The following AUTS2 variants were observed in gnomAD, a reference collection of about 807,000 sequenced individuals.
AUTS2 encodes the protein autism susceptibility gene 2 protein.
AUTS2 carries 17 observed loss-of-function variants against 112.4 expected under a neutral mutation model. That is an observed-to-expected ratio of 0.15 (90% CI 0.10 to 0.23). The LOEUF (loss-of-function observed/expected upper bound fraction) is 0.23. Among genes scored for constraint, AUTS2 ranks in the 10% least tolerant of loss-of-function variants. The probability of loss-of-function intolerance (pLI) is 1.00; values close to 1 mark genes in which losing one functional copy is unlikely to be tolerated. For missense variants in AUTS2, 1,510 were observed against 1,701.6 expected (o/e 0.89, Z 1.98); for synonymous variants, 751 against 702.7 (o/e 1.07, Z -1.09).
chr7:69,709,351 A>G (rs1230360975), intron 1 of AUTS2, among the ~76,000 whole-genome samples: 1 of 152,024 alleles, frequency 6.6e-6, no homozygotes, highest in Non-Finnish European at 1.5e-5. Context: ...ATTGTAAACC[A>G]CTGGTGCTGC....
At chr7:70,681,193 G>A (rs568333187) in intron 5 of AUTS2, among the ~76,000 whole-genome samples, 71 of 152,340 alleles carry the variant, frequency 4.7e-4, no homozygotes, top group Non-Finnish European at 9.1e-4. Context: ...CGGATGTTAA[G>A]TTGACATCCG....
intron 1 of AUTS2, among the ~76,000 whole-genome samples, chr7:69,650,021 T>C (rs1333205409): frequency 6.6e-6 from 1 of 152,208 alleles, no homozygotes; most frequent in East Asian, 1.9e-4. Flanking sequence ...ACTGGGCCAG[T>C]TGTTTTGTTA....
At chr7:70,182,689 T>C (rs1809381841) in intron 4 of AUTS2, among the ~76,000 whole-genome samples, 1 of 151,980 alleles carries the variant, frequency 6.6e-6, no homozygotes, top group Non-Finnish European at 1.5e-5. Context: ...TGTAGCTTAC[T>C]AACCGAGCAA....
At chr7:70,427,178 T>C (rs1019559606) in intron 4 of AUTS2, among the ~76,000 whole-genome samples, 2 of 152,134 alleles carry the variant, frequency 1.3e-5, no homozygotes, top group Admixed American at 1.3e-4. Flanking sequence ...TTGTAATAGG[T>C]CCCCAGGCAA....
At chr7:70,013,820 C>T (rs556375850) in intron 2 of AUTS2, among the ~76,000 whole-genome samples, 7 of 152,256 alleles carry the variant, frequency 4.6e-5, no homozygotes, top group South Asian at 4.1e-4. Flanking sequence ...CGGGTTCAAG[C>T]GATTCCCCTG....
At chr7:70,090,715 G>C (rs1803869817) in intron 2 of AUTS2, among the ~76,000 whole-genome samples, 1 of 150,286 alleles carries the variant, frequency 6.7e-6, no homozygotes, top group South Asian at 2.1e-4. Flanking sequence ...CGGAGTCTCG[G>C]TCACCCAGAC....
At chr7:69,628,010 G>A (rs1451535319) in intron 1 of AUTS2, among the ~76,000 whole-genome samples, 2 of 152,180 alleles carry the variant, frequency 1.3e-5, no homozygotes, top group Non-Finnish European at 2.9e-5. Flanking sequence ...GCGGAAAGAT[G>A]TTTCAGGCAT....
intron 4 of AUTS2, among the ~76,000 whole-genome samples, chr7:70,379,103 G>A (rs541445220): frequency 2.3e-4 from 35 of 151,900 alleles, no homozygotes; most frequent in South Asian, 1.9e-3. Context: ...TTTACTACCT[G>A]TAGTCACTTT....
chr7:70,623,797 C>T (rs1342127984), intron 5 of AUTS2, among the ~76,000 whole-genome samples: 1 of 152,218 alleles, frequency 6.6e-6, no homozygotes, highest in Admixed American at 6.5e-5. Context: ...TATATCTCAT[C>T]ACAATGAGGG....
In AUTS2 at chr7:70,635,571, G is replaced by A. The variant is rs141341919; in HGVS notation, c.691-62998G>A. Among the ~76,000 whole-genome samples the A allele has an allele frequency of 5.5e-3, 835 of 152,254 alleles. 8 individuals carry two copies. Among genetic ancestry groups the A allele is most frequent in the African/African-American group, 0.019 (787 of 41,560 alleles). Reference sequence around the variant, plus strand: ...TCATACACAGAGAGGGAGAGGAAACGAGTTTTAGGAGTTCTTAGCTGGGTT... The same window carrying A: ...TCATACACAGAGAGGGAGAGGAAACAAGTTTTAGGAGTTCTTAGCTGGGTT... On this transcript the variant is annotated intron_variant, in intron 5 of 18. Coordinates refer to ENST00000342771, the MANE Select transcript of AUTS2 (RefSeq NM_015570.4).
chr7:70,546,731 A>G (rs1800800782), intron 5 of AUTS2, among the ~76,000 whole-genome samples: 1 of 151,726 alleles, frequency 6.6e-6, no homozygotes, highest in African/African-American at 2.4e-5. Flanking sequence ...GTGAGCTGAG[A>G]TCATGCCACT....
chr7:70,267,882 CA>C (rs1437481157), intron 4 of AUTS2, among the ~76,000 whole-genome samples: 3 of 152,210 alleles, frequency 2.0e-5, no homozygotes, highest in Non-Finnish European at 4.4e-5. Context: ...CCTACACTTG[CA>C]ACATGCAGAC....
At chr7:70,531,642 G>A (rs1234996134) in intron 5 of AUTS2, among the ~76,000 whole-genome samples, 9 of 152,042 alleles carry the variant, frequency 5.9e-5, no homozygotes, top group Admixed American at 5.9e-4. Flanking sequence ...ACTGATAGAA[G>A]GAGAGCTGAC....
At chr7:70,247,166 A>G (rs1231628277) in intron 4 of AUTS2, among the ~76,000 whole-genome samples, 1 of 152,202 alleles carries the variant, frequency 6.6e-6, no homozygotes, top group Non-Finnish European at 1.5e-5. Flanking sequence ...ATATTTATAC[A>G]ATGGAATATT....
chr7:70,731,644 T>G (rs1311616413), intron 6 of AUTS2, among the ~76,000 whole-genome samples: 2 of 151,878 alleles, frequency 1.3e-5, no homozygotes, highest in Non-Finnish European at 2.9e-5. Flanking sequence ...TTAGCCAGGA[T>G]GGTCTCGATC....
At chr7:70,652,268 A>G (rs6973599) in intron 5 of AUTS2, among the ~76,000 whole-genome samples, 25,007 of 152,170 alleles carry the variant, frequency 0.16, 2,521 homozygotes, top group South Asian at 0.28. Context: ...ACTAAACAGA[A>G]TTAAGCCACA....
rs569706728 is a variant in AUTS2 at position 69,782,332 on chromosome 7, G to T, written c.310-116954G>T. ...GAGCTGTGATGGTATTACTGCAGGT[G>T]GGGTGACAGAGTGAGACCCCATCTC... is the stretch of plus-strand genomic sequence containing the variant. On this transcript the variant is annotated intron_variant, in intron 1 of 18. Coordinates refer to ENST00000342771, the MANE Select transcript of AUTS2 (RefSeq NM_015570.4). Among the ~76,000 whole-genome samples the T allele has an allele frequency of 4.6e-5, 7 of 151,738 alleles. 1 individual carries two copies. In the South Asian group the frequency reaches 1.5e-3, roughly 32 times the overall value.
At chr7:69,649,920 T>C (rs1021299729) in intron 1 of AUTS2, among the ~76,000 whole-genome samples, 2 of 152,122 alleles carry the variant, frequency 1.3e-5, no homozygotes, top group African/African-American at 4.8e-5. Context: ...TTCTAAGAAA[T>C]ATACCATGAA....
intron 1 of AUTS2, among the ~76,000 whole-genome samples, chr7:69,762,007 G>A (rs910982759): frequency 1.4e-4 from 22 of 152,122 alleles, no homozygotes; most frequent in African/African-American, 5.1e-4. Context: ...GTATACAAGA[G>A]AAACAAAATT....
Sources: allele counts gnomAD v4.1 joint callset (sites outside exome capture counted in the v4.1 genomes callset), GRCh38; gene constraint gnomAD v4.1.1; transcripts MANE v1.5; gene names NCBI Gene and HGNC (gene_info 2026-07-23, HGNC 2026-07-21).